MATCAP2: variants seen among roughly 807,000 people sequenced by gnomAD.
MATCAP2 encodes the protein putative tyrosine carboxypeptidase MATCAP2.
At chr7:36,341,909 G>A in the MATCAP2 span, among the ~76,000 whole-genome samples, 770 of 152,250 alleles carry the variant, frequency 5.1e-3, 9 homozygotes, top group African/African-American at 0.018. Flanking sequence ...TCATTCATAA[G>A]CTACTCAGTT....
At chr7:36,371,262 C>T in the MATCAP2 span, among the ~76,000 whole-genome samples, 1 of 152,096 alleles carries the variant, frequency 6.6e-6, no homozygotes, top group Non-Finnish European at 1.5e-5. Context: ...CAGGCATGTG[C>T]CACCAGGCCA....
chr7:36,385,708 G>A, the MATCAP2 span, among the ~76,000 whole-genome samples: 1 of 151,770 alleles, frequency 6.6e-6, no homozygotes, highest in South Asian at 2.1e-4. Flanking sequence ...ATTGCTTGAG[G>A]CCAGGAATTT....
At chr7:36,371,098 A>T in the MATCAP2 span, among the ~76,000 whole-genome samples, 1 of 152,032 alleles carries the variant, frequency 6.6e-6, no homozygotes, top group South Asian at 2.1e-4. Flanking sequence ...TAAAGAACGT[A>T]TTTATTTTAT....
the MATCAP2 span, among the ~76,000 whole-genome samples, chr7:36,338,562 G>A: frequency 3.9e-5 from 6 of 151,906 alleles, no homozygotes; most frequent in Non-Finnish European, 7.4e-5. Context: ...CAAAGTGCTG[G>A]GATTACAGGT....
At chr7:36,336,654 AGAGTGGAAGGTATGT>A in the MATCAP2 span, among the ~76,000 whole-genome samples, 5 of 152,306 alleles carry the variant, frequency 3.3e-5, no homozygotes, top group East Asian at 9.6e-4. Flanking sequence ...AGGAGAACTC[AGAGTGGAAGGTATGT>A]CTCCACGCAA....
chr7:36,356,849 A>G, the MATCAP2 span: 7 of 1,376,992 alleles, frequency 5.1e-6, no homozygotes, highest in African/African-American at 8.5e-5. Flanking sequence ...AAGATCACAG[A>G]TAATTGTTTT....
At chr7:36,357,827 T>C in the MATCAP2 span, among the ~76,000 whole-genome samples, 2 of 152,222 alleles carry the variant, frequency 1.3e-5, no homozygotes, top group African/African-American at 2.4e-5. Context: ...AATCCTCAGC[T>C]TCAAACCACT....
chr7:36,349,069 G>A, the MATCAP2 span, among the ~76,000 whole-genome samples: 7 of 152,258 alleles, frequency 4.6e-5, no homozygotes, highest in African/African-American at 1.7e-4. Flanking sequence ...CGATATTTAC[G>A]TGGGATGCTG....
chr7:36,350,715 T>C, the MATCAP2 span, among the ~76,000 whole-genome samples: 1 of 152,116 alleles, frequency 6.6e-6, no homozygotes, highest in African/African-American at 2.4e-5. Flanking sequence ...ATAATTTTTG[T>C]ATTTTTCGTA....
chr7:36,367,087 G>T, the MATCAP2 span: 1 of 1,253,316 alleles, frequency 8.0e-7, no homozygotes, highest in Non-Finnish European at 1.0e-6. Flanking sequence ...AGGATAAGGA[G>T]GGTAAGGGCG....
the MATCAP2 span, among the ~76,000 whole-genome samples, chr7:36,359,067 C>T: frequency 6.6e-6 from 1 of 152,178 alleles, no homozygotes; most frequent in Non-Finnish European, 1.5e-5. Flanking sequence ...CCTAAACATG[C>T]AATTCTGCAA....
the MATCAP2 span, chr7:36,366,789 G>T: frequency 1.3e-6 from 2 of 1,533,964 alleles, no homozygotes. Context: ...CGCCCCGAAG[G>T]GGTCGGGGCG....
At chr7:36,358,033 C>G in the MATCAP2 span, among the ~76,000 whole-genome samples, 1 of 151,664 alleles carries the variant, frequency 6.6e-6, no homozygotes, top group South Asian at 2.1e-4. Flanking sequence ...CCTGTCTCTA[C>G]CAAAAAATAC....
chr7:36,359,139 C>T, the MATCAP2 span, among the ~76,000 whole-genome samples: 1 of 152,144 alleles, frequency 6.6e-6, no homozygotes, highest in African/African-American at 2.4e-5. Context: ...TAACTGCAGA[C>T]CTGAAAATAT....
At chr7:36,375,873 C>T in the MATCAP2 span, among the ~76,000 whole-genome samples, 8 of 152,324 alleles carry the variant, frequency 5.3e-5, no homozygotes, top group South Asian at 6.2e-4. Context: ...AGTTTACTTG[C>T]GTAGAGATGT....
the MATCAP2 span, among the ~76,000 whole-genome samples, chr7:36,352,468 T>C: frequency 1.3e-5 from 2 of 151,344 alleles, no homozygotes; most frequent in Non-Finnish European, 2.9e-5. Context: ...AACTATACTG[T>C]TTCACTCATG....
At chr7:36,332,238 C>T in the MATCAP2 span, among the ~76,000 whole-genome samples, 3 of 151,936 alleles carry the variant, frequency 2.0e-5, no homozygotes, top group Non-Finnish European at 4.4e-5. Context: ...GTACAGAGTA[C>T]TAAAATCCAG....
chr7:36,380,162 G>A, the MATCAP2 span, among the ~76,000 whole-genome samples: 6 of 152,280 alleles, frequency 3.9e-5, no homozygotes, highest in African/African-American at 1.4e-4. Context: ...TTTTGGTAGT[G>A]GGAGTAGGAT....
chr7:36,380,142 G>A, the MATCAP2 span, among the ~76,000 whole-genome samples: 1 of 152,164 alleles, frequency 6.6e-6, no homozygotes, highest in Non-Finnish European at 1.5e-5. Context: ...CAAAGGTGAT[G>A]AGCAGGGCAT....
Sources: allele counts gnomAD v4.1 joint callset (sites outside exome capture counted in the v4.1 genomes callset), GRCh38; gene constraint gnomAD v4.1.1; transcripts MANE v1.5; gene names NCBI Gene and HGNC (gene_info 2026-07-23, HGNC 2026-07-21).